The following HERC4 variants were observed in gnomAD, a reference collection of about 807,000 sequenced individuals.
HERC4 encodes the protein probable E3 ubiquitin-protein ligase HERC4.
In HERC4, 28 loss-of-function variants were observed where a neutral mutation model predicts 124.3. The ratio of observed to expected loss-of-function variants is 0.23; its 90% confidence interval spans 0.17 to 0.31. The LOEUF is 0.31. Among genes scored for constraint, HERC4 ranks in the 10% least tolerant of loss-of-function variants. The pLI, the probability that HERC4 is intolerant of heterozygous loss-of-function variation, is 1.00. For missense variants in HERC4, 713 were observed against 1,229.3 expected, an observed-to-expected ratio of 0.58 and a Z score of 6.28; for synonymous variants, 407 against 421.5, an observed-to-expected ratio of 0.97 and a Z score of 0.42.
At chr10:67,987,576 G>A (rs539082492) in intron 15 of HERC4, among the ~76,000 whole-genome samples, 33 of 152,242 alleles carry the variant, frequency 2.2e-4, no homozygotes, top group African/African-American at 7.5e-4. Flanking sequence ...ACCCTGATAT[G>A]CTAAAAGAAA....
intron 23 of HERC4, among the ~76,000 whole-genome samples, chr10:67,926,688 A>G (rs1191018666): frequency 1.3e-5 from 2 of 152,216 alleles, no homozygotes; most frequent in Non-Finnish European, 2.9e-5. Flanking sequence ...CAACAAATAT[A>G]TAATGAGTTT....
intron 3 of HERC4, among the ~76,000 whole-genome samples, chr10:68,061,370 G>GCC (rs2041001505): frequency 6.6e-6 from 1 of 151,140 alleles, no homozygotes; most frequent in East Asian, 2.0e-4. Context: ...CATCTCTACT[G>GCC]AAAATACAAA....
intron 15 of HERC4, among the ~76,000 whole-genome samples, chr10:67,970,483 T>C (rs1017166226): frequency 2.6e-5 from 4 of 151,900 alleles, no homozygotes; most frequent in African/African-American, 9.7e-5. Flanking sequence ...TCCCAGCAAC[T>C]TGGGAGGCTA....
chr10:67,942,791 G>C (rs1156969019), intron 19 of HERC4, among the ~76,000 whole-genome samples: 1 of 152,126 alleles, frequency 6.6e-6, no homozygotes, highest in Non-Finnish European at 1.5e-5. Context: ...GATTACAGGC[G>C]TGAGATACTG....
At position 68,059,525 on chromosome 10, in the gene HERC4, A is replaced by ATATATC. The variant is rs1363368197; in HGVS notation, c.226+13357_226+13358insGATATA. Among the ~76,000 whole-genome samples the ATATATC allele has an allele frequency of 4.5e-5, 5 of 110,118 alleles. No individual in the cohort carries two copies. The South Asian group carries it at 1.4e-3, about 30-fold the overall frequency. 72.2% of individuals were successfully genotyped at this position (110,118 alleles called of 152,430 possible). ...ATATTATAATATTATATATCATAATAATATTATATATCATATTATATATCA... is the reference window on the plus strand; with the variant it reads ...ATATTATAATATTATATATCATAATATATATCATATTATATATCATATTATATATCA... On this transcript the variant is annotated intron_variant, in intron 3 of 24. Coordinates refer to ENST00000373700, the MANE Select transcript of HERC4 (RefSeq NM_015601.4).
At chr10:68,025,280 T>C (rs2038841387) in intron 8 of HERC4, among the ~76,000 whole-genome samples, 1 of 152,076 alleles carries the variant, frequency 6.6e-6, no homozygotes, top group Non-Finnish European at 1.5e-5. Context: ...AAAGAAGCCT[T>C]TCGAGTGTGA....
In HERC4 at chr10:67,954,674, A is replaced by G. The variant is rs918331956; in HGVS notation, c.2258T>C (p.Ile753Thr). The change falls in exon 19 of 25, where the codon ATC becomes ACC. Residue 753 changes from isoleucine to threonine, a missense_variant. Transcript: ENST00000373700. ...TTTAGGATCCAATAATTCCCTCATG[A>G]TGAGCAAGAAAAATTCTTTGCGCAC... ...GGVRKEFFLL[I>T]MRELLDPKYG... 6.2e-7 allele frequency: 1 copy of G among 1,613,750 alleles called. No homozygotes were observed. The highest frequency in any genetic ancestry group is 1.1e-5 in the South Asian group (1 of 91,072).
At chr10:68,003,867 T>C (rs1304001952) in intron 9 of HERC4, among the ~76,000 whole-genome samples, 1 of 152,206 alleles carries the variant, frequency 6.6e-6, no homozygotes, top group Non-Finnish European at 1.5e-5. Context: ...TTCTTTTGGG[T>C]GTATACCCAG....
chr10:68,004,274 T>C (rs192084081), intron 9 of HERC4, among the ~76,000 whole-genome samples: 7 of 152,216 alleles, frequency 4.6e-5, no homozygotes, highest in African/African-American at 7.2e-5. Context: ...AACAACAGAG[T>C]TGTCTTTATA....
In HERC4 at chr10:67,988,667, T is replaced by G; in HGVS notation, c.1802A>C (p.His601Pro). 6.4e-7 allele frequency: 1 copy of G among 1,556,360 alleles called. No homozygotes were observed. The highest frequency in any genetic ancestry group is 8.7e-7 in the Non-Finnish European group (1 of 1,144,952). ...HTALKVLEIL[H>P]RVNEKMGQII... ...TAAAGGAATGATTGGACATACCCTA[T>G]GTAGTATTTCTAAAACCTTTAATGC... The change falls in exon 15 of 25, where the codon CAT (histidine) becomes CCT (proline). Residue 601 changes from histidine to proline, a missense_variant. Transcript: ENST00000373700.
At chr10:67,958,523 CA>C (rs1301887542) in intron 16 of HERC4, among the ~76,000 whole-genome samples, 2 of 152,028 alleles carry the variant, frequency 1.3e-5, no homozygotes, top group East Asian at 3.8e-4. Context: ...CAACAAAATG[CA>C]AATCAAAGCA....
intron 15 of HERC4, among the ~76,000 whole-genome samples, chr10:67,982,236 A>G (rs758366961): frequency 2.0e-5 from 3 of 152,206 alleles, no homozygotes; most frequent in Non-Finnish European, 4.4e-5. Flanking sequence ...TATAGTAATC[A>G]AAAGAGCATG....
In HERC4 at chr10:68,032,818, T is replaced by C. The variant is rs773866949; in HGVS notation, c.737A>G (p.Tyr246Cys). 6.3e-7 allele frequency: 1 copy of C among 1,587,580 alleles called. No homozygotes were observed. The highest frequency in any genetic ancestry group is 8.6e-7 in the Non-Finnish European group (1 of 1,156,136). Residue 246 changes from tyrosine to cysteine, a missense_variant, in exon 7 of 25, where the codon TAT (tyrosine) becomes TGT (cysteine). Tyr to Cys is a radical substitution (Grantham distance 194). Coordinates refer to ENST00000373700, the MANE Select transcript of HERC4 (RefSeq NM_015601.4). ...LKSLRSQKIV[Y>C]ICCGEDHTAA... ...AGTATGATCTTCTCCACAACAAATA[T>C]AAACTATTTTCTGAGATCTTAGTGA... is the stretch of plus-strand genomic sequence containing the variant.
At chr10:68,068,799 A>G (rs1274198058) in intron 3 of HERC4, 1 of 152,346 alleles carries the variant, frequency 6.6e-6, no homozygotes, top group African/African-American at 2.4e-5. Flanking sequence ...GATAAAAACC[A>G]CAAGATTTAG....
chr10:67,998,562 A>AGGGG (rs755153856), intron 9 of HERC4, among the ~76,000 whole-genome samples: 1 of 31,494 alleles, frequency 3.2e-5, no homozygotes, highest in East Asian at 5.4e-4. Context: ...AAAAAAAAAA[A>AGGGG]AGGGGGGGGG....
intron 4 of HERC4, among the ~76,000 whole-genome samples, chr10:68,043,179 A>G (rs910088851): frequency 1.3e-5 from 2 of 152,188 alleles, no homozygotes; most frequent in African/African-American, 2.4e-5. Flanking sequence ...AACAGCAACA[A>G]AAGTTTAAGT....
In HERC4 at chr10:68,009,167, T is replaced by A. The variant is rs372056518; in HGVS notation, c.1069+4859A>T. Among the ~76,000 whole-genome samples, 4 of 151,518 alleles carry A rather than the reference T, an allele frequency of 2.6e-5. No individual in the cohort carries two copies. The South Asian group carries it at 6.2e-4, about 24-fold the overall frequency. On this transcript the variant is annotated intron_variant, in intron 9 of 24. Transcript: ENST00000373700. ...TGAACCCATGAGGTGAAGGTTGCAG[T>A]AAACCGAGATTGCACCGCTGCACTT...
At position 68,044,469 on chromosome 10, in the gene HERC4, A is replaced by G; in HGVS notation, c.321T>C (p.Ala107=). Residue 107 remains alanine, a synonymous_variant, in exon 4 of 25, where the codon GCT becomes GCC. Transcript: ENST00000373700. ...GCTGTCCATCAGAATCGAGACCCCA[A>G]GCATACACCTGGCCTTTGTCATTTA... ...LALNDKGQVY[A]WGLDSDGQLG... is the part of the protein sequence containing the mutation. The G allele has an allele frequency of 6.2e-7, 1 of 1,614,152 alleles. No homozygotes were observed. Among genetic ancestry groups the G allele is most frequent in the Non-Finnish European group, 8.5e-7 (1 of 1,180,026 alleles).
intron 9 of HERC4, among the ~76,000 whole-genome samples, chr10:67,997,687 C>T (rs2036972390): frequency 6.6e-6 from 1 of 151,928 alleles, no homozygotes; most frequent in Non-Finnish European, 1.5e-5. Flanking sequence ...TTTTAGTATC[C>T]TCTTGCTTTT....
Sources: allele counts gnomAD v4.1 joint callset (sites outside exome capture counted in the v4.1 genomes callset), GRCh38; gene constraint gnomAD v4.1.1; transcripts MANE v1.5; gene names NCBI Gene and HGNC (gene_info 2026-07-23, HGNC 2026-07-21).